Variants in ABTB3 observed in about 807,000 individuals in gnomAD.
The protein encoded by ABTB3 is ankyrin repeat and BTB domain containing 3.
At chr12:107,369,707 G>T in the ABTB3 span, among the ~76,000 whole-genome samples, 891 of 76,170 alleles carry the variant, frequency 0.012, 13 homozygotes, top group African/African-American at 0.056. Flanking sequence ...CCCAAACATG[G>T]TTTTTTTTTT....
the ABTB3 span, among the ~76,000 whole-genome samples, chr12:107,412,525 C>T: frequency 6.6e-6 from 1 of 152,068 alleles, no homozygotes; most frequent in Non-Finnish European, 1.5e-5. Flanking sequence ...GGAGCGTGGG[C>T]CTTAAGAGAT....
the ABTB3 span, among the ~76,000 whole-genome samples, chr12:107,347,678 C>G: frequency 9.2e-5 from 14 of 152,066 alleles, no homozygotes; most frequent in African/African-American, 3.4e-4. Context: ...CAGTTAAGGG[C>G]TACGTTCAAA....
At chr12:107,587,474 A>G in the ABTB3 span, among the ~76,000 whole-genome samples, 1 of 152,106 alleles carries the variant, frequency 6.6e-6, no homozygotes, top group Non-Finnish European at 1.5e-5. Context: ...TGTCAGGAAG[A>G]GGGAGTGATA....
chr12:107,391,263 G>A, the ABTB3 span, among the ~76,000 whole-genome samples: 1 of 152,322 alleles, frequency 6.6e-6, no homozygotes, highest in Non-Finnish European at 1.5e-5. Flanking sequence ...GAGGAGTTAG[G>A]TAAGTTGTTT....
the ABTB3 span, among the ~76,000 whole-genome samples, chr12:107,497,030 C>T: frequency 6.6e-6 from 1 of 152,164 alleles, no homozygotes; most frequent in Non-Finnish European, 1.5e-5. Context: ...GCACATTTTT[C>T]ATGCCCACCA....
At chr12:107,333,387 G>A in the ABTB3 span, among the ~76,000 whole-genome samples, 1 of 152,222 alleles carries the variant, frequency 6.6e-6, no homozygotes. Flanking sequence ...GCAGGAGAGA[G>A]CTGGGTGGGA....
At chr12:107,443,745 C>T in the ABTB3 span, among the ~76,000 whole-genome samples, 1 of 151,978 alleles carries the variant, frequency 6.6e-6, no homozygotes, top group Non-Finnish European at 1.5e-5. Context: ...ATAGTCTGTG[C>T]CAATAGGTCT....
the ABTB3 span, chr12:107,318,847 G>T: frequency 7.1e-7 from 1 of 1,399,550 alleles, no homozygotes; most frequent in Non-Finnish European, 9.5e-7. Flanking sequence ...AAGGCGGCGC[G>T]GACTCGGCTC....
chr12:107,585,567 G>A, the ABTB3 span, among the ~76,000 whole-genome samples: 3 of 152,248 alleles, frequency 2.0e-5, no homozygotes, highest in South Asian at 6.2e-4. Flanking sequence ...TGTGGGCTGG[G>A]GAAACTTGGC....
the ABTB3 span, among the ~76,000 whole-genome samples, chr12:107,472,569 C>A: frequency 9.9e-5 from 15 of 152,210 alleles, no homozygotes; most frequent in African/African-American, 3.6e-4. Flanking sequence ...GGAAACAGAA[C>A]TTCTCTCACA....
At chr12:107,321,375 G>T in the ABTB3 span, among the ~76,000 whole-genome samples, 1 of 152,192 alleles carries the variant, frequency 6.6e-6, no homozygotes, top group Admixed American at 6.5e-5. Flanking sequence ...AGGGCGCCCG[G>T]CTCCAGCCGA....
chr12:107,430,809 C>T, the ABTB3 span, among the ~76,000 whole-genome samples: 1 of 152,040 alleles, frequency 6.6e-6, no homozygotes, highest in Non-Finnish European at 1.5e-5. Context: ...TATGAAATAC[C>T]TTCTGTCATA....
the ABTB3 span, among the ~76,000 whole-genome samples, chr12:107,621,178 C>T: frequency 1.1e-4 from 17 of 152,174 alleles, no homozygotes; most frequent in Non-Finnish European, 1.5e-5. Flanking sequence ...ATTAGGTGTT[C>T]TCATTAGCGC....
At chr12:107,345,421 G>A in the ABTB3 span, among the ~76,000 whole-genome samples, 2 of 151,964 alleles carry the variant, frequency 1.3e-5, no homozygotes, top group Non-Finnish European at 2.9e-5. Context: ...TTTTTCTTTG[G>A]ATAAAATGGG....
chr12:107,344,459 T>C, the ABTB3 span, among the ~76,000 whole-genome samples: 1 of 152,224 alleles, frequency 6.6e-6, no homozygotes, highest in Non-Finnish European at 1.5e-5. Flanking sequence ...TAAGTGCCTG[T>C]CAGAGAAGGC....
At chr12:107,389,553 C>T in the ABTB3 span, among the ~76,000 whole-genome samples, 5 of 152,286 alleles carry the variant, frequency 3.3e-5, no homozygotes, top group South Asian at 1.0e-3. Context: ...GATTTGGCCT[C>T]CTCCAACACT....
At chr12:107,372,911 T>C in the ABTB3 span, among the ~76,000 whole-genome samples, 1 of 152,206 alleles carries the variant, frequency 6.6e-6, no homozygotes, top group African/African-American at 2.4e-5. Context: ...GTCTCCCCAG[T>C]GCCGGGAGCA....
At chr12:107,599,970 G>A in the ABTB3 span, among the ~76,000 whole-genome samples, 1 of 152,146 alleles carries the variant, frequency 6.6e-6, no homozygotes, top group East Asian at 1.9e-4. Context: ...GAATGGGCTG[G>A]GATGGAGTAT....
At chr12:107,651,833 G>C in the ABTB3 span, 1 of 1,524,340 alleles carries the variant, frequency 6.6e-7, no homozygotes, top group Non-Finnish European at 9.1e-7. Context: ...GAGCGCTGAA[G>C]CCGGGGAGGC....
Sources: gnomAD v4.1 joint callset for allele counts (sites outside exome capture counted in the v4.1 genomes callset) on GRCh38, gnomAD v4.1.1 for gene constraint, MANE v1.5 for transcripts, NCBI Gene and HGNC (gene_info 2026-07-23, HGNC 2026-07-21) for gene names.